The following RALYL variants were observed in gnomAD, a reference collection of about 807,000 sequenced individuals.
The protein encoded by RALYL is RNA-binding Raly-like protein.
Under a neutral mutation model 35.1 loss-of-function variants are expected in RALYL, and 29 were observed. The observed-to-expected ratio is 0.83, with a 90% CI of 0.61 to 1.13. RALYL has a LOEUF of 1.13. Ranked by LOEUF, RALYL falls within the 50% of genes most tolerant of loss-of-function variation. RALYL has a pLI of 0.00. For missense variants in RALYL, 359 were observed against 360.4 expected (o/e 1.00, Z 0.03); for synonymous variants, 120 against 127.6 (o/e 0.94, Z 0.40).
intron 2 of RALYL, among the ~76,000 whole-genome samples, chr8:84,569,015 G>C (rs1564161175): frequency 6.7e-6 from 1 of 148,846 alleles, no homozygotes; most frequent in Non-Finnish European, 1.5e-5. Context: ...CACTCTGATG[G>C]TAGTTTCTTT....
chr8:84,782,241 C>T (rs1161133526), intron 3 of RALYL, among the ~76,000 whole-genome samples: 3 of 152,166 alleles, frequency 2.0e-5, no homozygotes, highest in Non-Finnish European at 4.4e-5. Context: ...CAAATTACCA[C>T]ACAGCTGCAT....
intron 1 of RALYL, among the ~76,000 whole-genome samples, chr8:84,363,645 CT>C (rs894082624): frequency 6.6e-6 from 1 of 152,136 alleles, no homozygotes; most frequent in African/African-American, 2.4e-5. Flanking sequence ...TGATCTAACT[CT>C]TTCTGCTTTG....
rs189578678 is a variant in RALYL, at chr8:84,728,816, T to C, written c.257-45763T>C. On this transcript the variant is annotated intron_variant, in intron 2 of 8. Transcript: ENST00000521268. ...GCAGCATTATTTCTGAGGGCTCTGT[T>C]CTGTTCCATTGATCTATATCTCTGT... Among the ~76,000 whole-genome samples, 69 of 152,310 alleles carry C rather than the reference T, an allele frequency of 4.5e-4. 1 individual carries two copies. The East Asian group carries it at 0.012, about 27-fold the overall frequency.
intron 2 of RALYL, among the ~76,000 whole-genome samples, chr8:84,696,894 T>C (rs1026552595): frequency 1.3e-5 from 2 of 152,018 alleles, no homozygotes; most frequent in Non-Finnish European, 2.9e-5. Flanking sequence ...TTCTGAGCCC[T>C]TTAGCAGACA....
chr8:84,835,039 G>A (rs1208648177), intron 4 of RALYL, among the ~76,000 whole-genome samples: 1 of 151,952 alleles, frequency 6.6e-6, no homozygotes, highest in Non-Finnish European at 1.5e-5. Context: ...ACAAAGAGAT[G>A]GATCATAGTC....
At chr8:84,590,429 A>G (rs984098320) in intron 2 of RALYL, among the ~76,000 whole-genome samples, 4 of 152,244 alleles carry the variant, frequency 2.6e-5, no homozygotes, top group Non-Finnish European at 5.9e-5. Flanking sequence ...AAGATGAAAT[A>G]TAATAGCAGA....
chr8:84,458,131 A>C (rs1456369738), intron 1 of RALYL, among the ~76,000 whole-genome samples: 1 of 151,820 alleles, frequency 6.6e-6, no homozygotes, highest in Non-Finnish European at 1.5e-5. Context: ...TAATTCTTTC[A>C]TTTGTCAGGA....
rs369294946 is a variant in RALYL at position 84,483,016 on chromosome 8, T to G, written c.-23-46283T>G. 1.4e-4 allele frequency among the ~76,000 whole-genome samples: 22 copies of G among 152,234 alleles called. 2 individuals carry two copies. The South Asian group carries it at 4.1e-3, about 29-fold the overall frequency. On this transcript the variant is annotated intron_variant, in intron 1 of 8. Coordinates refer to ENST00000521268, the MANE Select transcript of RALYL (RefSeq NM_173848.7). ...CATTGGGTTCAAATTAACCTCTTTA[T>G]GTAAAAGTTAATTTTGTGATTTTTT... is the stretch of plus-strand genomic sequence containing the variant.
chr8:84,194,100 C>T (rs964881490), intron 1 of RALYL, among the ~76,000 whole-genome samples: 1 of 152,174 alleles, frequency 6.6e-6, no homozygotes, highest in South Asian at 2.1e-4. Flanking sequence ...GACAGTGGAA[C>T]ATCGTCAAAT....
chr8:84,573,606 A>AT (rs1042308038), intron 2 of RALYL, among the ~76,000 whole-genome samples: 1 of 151,836 alleles, frequency 6.6e-6, no homozygotes, highest in Non-Finnish European at 1.5e-5. Context: ...AGAATATGGA[A>AT]TTTTTTTAAG....
intron 1 of RALYL, among the ~76,000 whole-genome samples, chr8:84,458,264 T>A (rs889305933): frequency 2.0e-5 from 3 of 151,856 alleles, no homozygotes. Flanking sequence ...ATGATAAATG[T>A]GTAGTCCTCC....
intron 2 of RALYL, among the ~76,000 whole-genome samples, chr8:84,748,884 C>CTCTTGTTTTGTTTATGTCCTTTGTCTCT: frequency 6.6e-6 from 1 of 152,158 alleles, no homozygotes; most frequent in East Asian, 1.9e-4. Flanking sequence ...TCCCCATCTT[C>CTCTTGTTTTGTTTATGTCCTTTGTCTCT]TCTTGTTTTG....
intron 1 of RALYL, among the ~76,000 whole-genome samples, chr8:84,491,323 T>C (rs2055275842): frequency 6.6e-6 from 1 of 152,012 alleles, no homozygotes; most frequent in Non-Finnish European, 1.5e-5. Flanking sequence ...ATTTTATTTT[T>C]CCCCTTTTTC....
intron 7 of RALYL, among the ~76,000 whole-genome samples, chr8:84,882,196 TA>T (rs916079180): frequency 9.2e-5 from 14 of 151,952 alleles, no homozygotes; most frequent in Non-Finnish European, 1.2e-4. Flanking sequence ...AATCGACCTT[TA>T]AAAAAAATCT....
At chr8:84,282,643 G>C (rs902776657) in intron 1 of RALYL, among the ~76,000 whole-genome samples, 4 of 151,794 alleles carry the variant, frequency 2.6e-5, no homozygotes, top group Non-Finnish European at 5.9e-5. Flanking sequence ...GGATTATTCA[G>C]AGGAGAATGC....
At chr8:84,475,061 G>A (rs796775713) in intron 1 of RALYL, among the ~76,000 whole-genome samples, 1 of 150,530 alleles carries the variant, frequency 6.6e-6, no homozygotes, top group African/African-American at 2.4e-5. Flanking sequence ...CCCTCCCCCA[G>A]CCCCCCACCC....
At chr8:84,457,678 T>A (rs1362728512) in intron 1 of RALYL, among the ~76,000 whole-genome samples, 1 of 151,868 alleles carries the variant, frequency 6.6e-6, no homozygotes, top group African/African-American at 2.4e-5. Context: ...ATTAATCCTG[T>A]TGATTACATA....
chr8:84,302,663 G>A (rs944213502), intron 1 of RALYL, among the ~76,000 whole-genome samples: 5 of 152,158 alleles, frequency 3.3e-5, no homozygotes, highest in Admixed American at 3.3e-4. Flanking sequence ...AGTAGGCAGA[G>A]GAGTGAGATA....
intron 1 of RALYL, among the ~76,000 whole-genome samples, chr8:84,449,378 G>A (rs754866275): frequency 1.3e-5 from 2 of 151,864 alleles, no homozygotes; most frequent in African/African-American, 2.4e-5. Flanking sequence ...AAAAGCACAG[G>A]ATCCTCCTTG....
Sources: allele counts gnomAD v4.1 joint callset (sites outside exome capture counted in the v4.1 genomes callset), GRCh38; gene constraint gnomAD v4.1.1; transcripts MANE v1.5; gene names NCBI Gene and HGNC (gene_info 2026-07-23, HGNC 2026-07-21).